TBX3: variants seen among roughly 807,000 people sequenced by gnomAD.
TBX3 encodes T-box transcription factor 3.
Under a neutral mutation model 47.8 loss-of-function variants are expected in TBX3, and 11 were observed. The ratio of observed to expected loss-of-function variants is 0.23; its 90% confidence interval spans 0.14 to 0.38. TBX3 has a LOEUF of 0.38. TBX3 is among the 10% of genes least tolerant of loss of function. TBX3 has a pLI of 1.00. For synonymous variants in TBX3, 500 were observed against 449.3 expected (o/e 1.11, Z -1.43); for missense variants, 927 against 1,022.8 (o/e 0.91, Z 1.28).
chr12:114,679,946 A>G, intron 2 of TBX3: 1 of 1,614,186 alleles, frequency 6.2e-7, no homozygotes, highest in Non-Finnish European at 8.5e-7. Flanking sequence ...CCTGCCACGT[A>G]GCGTGATCAC....
rs143885412 is a variant in TBX3 at position 114,682,918 on chromosome 12, G to C, written c.283C>G (p.Pro95Ala). The C allele has an allele frequency of 6.2e-7, 1 of 1,614,174 alleles. No individual in the cohort carries two copies. Among genetic ancestry groups the C allele is most frequent in the Admixed American group, 1.7e-5 (1 of 60,028 alleles). Reference sequence around the variant, plus strand: ...GGGTCGTCCTCCACCTCTTCTTCGGGCTCCATGGTCTTCAAAGGCCTCAGA... The same window carrying C: ...GGGTCGTCCTCCACCTCTTCTTCGGCCTCCATGGTCTTCAAAGGCCTCAGA... ...AHLRPLKTME[P>A]EEEVEDDPKV... The change falls in exon 1 of 7, where the codon CCC (proline) becomes GCC (alanine). Residue 95 changes from proline (P) to alanine (A), a missense_variant. This residue lies in a region of TBX3 where 216 missense variants were observed against 281.2 expected (regional missense o/e 0.77). Transcript: ENST00000349155.
In TBX3 at chr12:114,674,688, A is replaced by G. The variant is rs1169673386; in HGVS notation, c.1187T>C (p.Leu396Pro). 1 of 1,607,344 alleles carries G rather than the reference A, an allele frequency of 6.2e-7. No individual in the cohort carries two copies. Among genetic ancestry groups the G allele is most frequent in the Non-Finnish European group, 8.5e-7 (1 of 1,179,144 alleles). ...GTCCCGGGGCCGCTCAGCAGCGAAAAGGTGAGCCTTGACCGCGGGGCTGCC... is the reference window on the plus strand; with the variant it reads ...GTCCCGGGGCCGCTCAGCAGCGAAAGGGTGAGCCTTGACCGCGGGGCTGCC... ...DKGSPAVKAH[L>P]FAAERPRDSG... is the part of the protein sequence containing the mutation. Residue 396 changes from leucine (L) to proline (P), a missense_variant, in exon 6 of 7, where the codon CTT (leucine) becomes CCT (proline). Leu to Pro is a moderately conservative substitution (Grantham distance 98, BLOSUM62 -3). Coordinates refer to ENST00000349155, the MANE Select transcript of TBX3 (RefSeq NM_005996.4).
In TBX3 at chr12:114,671,355, T is replaced by C. The variant is rs1438898301; in HGVS notation, c.*486A>G. ...TCAGTAATTTATTGAGAACCGATAA[T>C]GCAAGTCCCTATAAAGTTTTTAATC... On this transcript the variant is annotated 3_prime_UTR_variant, in exon 7 of 7. Transcript: ENST00000349155. 4.0e-6 allele frequency: 1 copy of C among 248,668 alleles called. No individual in the cohort carries two copies. The highest frequency in any genetic ancestry group is 5.7e-5 in the East Asian group (1 of 17,604). The allele number at this position is 248,668 out of a possible 1,614,324, so 15.4% of individuals were successfully genotyped here.
chr12:114,680,646 A>C (rs936903308), intron 2 of TBX3: 16 of 632,266 alleles, frequency 2.5e-5, no homozygotes, highest in Non-Finnish European at 4.2e-5. Flanking sequence ...AAAGAGCTGG[A>C]ATTGCTATAG....
At chr12:114,678,410 G>C (rs948781656) in intron 3 of TBX3, among the ~76,000 whole-genome samples, 4 of 152,174 alleles carry the variant, frequency 2.6e-5, no homozygotes, top group Non-Finnish European at 4.4e-5. Flanking sequence ...CCTTCCCCTT[G>C]GTGGGAAGAA....
intron 2 of TBX3, chr12:114,680,082 T>G (rs1159140544): frequency 1.9e-6 from 2 of 1,067,478 alleles, no homozygotes; most frequent in Admixed American, 3.9e-5. Context: ...GGCTGAACTC[T>G]AGAGAGGAAT....
chr12:114,677,669 A>G lies in TBX3; in HGVS notation c.805-13T>C. The G allele has an allele frequency of 7.4e-6, 12 of 1,612,738 alleles. No homozygotes were observed. Among genetic ancestry groups the G allele is most frequent in the Non-Finnish European group, 1.0e-5 (12 of 1,178,702 alleles). ...TTAACTGGGTTATCTATTGGAAGAG[A>G]CACAAGCAAGACAGAGACATTGTTC... On this transcript the variant is annotated splice_polypyrimidine_tract_variant and intron_variant, in intron 3 of 6. Coordinates refer to ENST00000349155, the MANE Select transcript of TBX3 (RefSeq NM_005996.4).
chr12:114,682,465 A>C (rs1211810576), intron 1 of TBX3, among the ~76,000 whole-genome samples: 1 of 152,150 alleles, frequency 6.6e-6, no homozygotes, highest in Non-Finnish European at 1.5e-5. Flanking sequence ...TCAACAAAGA[A>C]ATAAGGATGT....
intron 1 of TBX3, 151 bp downstream of exon 1, chr12:114,682,661 G>C: frequency 2.5e-6 from 3 of 1,200,826 alleles, no homozygotes; most frequent in Non-Finnish European, 3.5e-6. Flanking sequence ...TGCCACCGGG[G>C]CAGGGCCTGG....
intron 3 of TBX3, among the ~76,000 whole-genome samples, chr12:114,678,519 A>G (rs1180000524): frequency 2.0e-5 from 3 of 152,228 alleles, no homozygotes; most frequent in African/African-American, 7.2e-5. Context: ...TTCAGGTTTC[A>G]CAGGGAGAGA....
chr12:114,674,667 CG>C lies in TBX3; in HGVS notation c.1207del (p.Arg403GlyfsTer209). 1.2e-6 allele frequency: 2 copies of C among 1,607,538 alleles called. No homozygotes were observed. The highest frequency in any genetic ancestry group is 8.5e-7 in the Non-Finnish European group (1 of 1,179,134). On this transcript the variant is annotated frameshift_variant, in exon 6 of 7. Transcript: ENST00000349155. LOFTEE classifies it high-confidence loss of function. ...KAHLFAAERP[R>X]DSGRLDKASP... The stretch of plus-strand genomic sequence containing the variant: ...CGCTTTGTCCAGCCGCCCGCTGTCC[CG>C]GGGCCGCTCAGCAGCGAAAAGGTGA...
At chr12:114,673,859 A>C (rs1868566976) in intron 6 of TBX3, among the ~76,000 whole-genome samples, 1 of 152,244 alleles carries the variant, frequency 6.6e-6, no homozygotes, top group Non-Finnish European at 1.5e-5. Flanking sequence ...AAATGAGTCA[A>C]TACAGAGCAA....
At position 114,671,889 on chromosome 12, in the gene TBX3, A is replaced by G. The variant is rs1337990788; in HGVS notation, c.2124T>C (p.Val708=). 6 of 1,574,554 alleles carry G rather than the reference A, an allele frequency of 3.8e-6. No individual in the cohort carries two copies. In the South Asian group the frequency reaches 5.8e-5, roughly 15 times the overall value. ...TGTCCGGCTTGGCTTCCAAGCCGCTAACCAACCGCTGGATGCTCTGCAGTT... is the reference window on the plus strand; with the variant it reads ...TGTCCGGCTTGGCTTCCAAGCCGCTGACCAACCGCTGGATGCTCTGCAGTT... ...TSELQSIQRL[V]SGLEAKPDRS... Residue 708 remains valine (V), a synonymous_variant, in exon 7 of 7, where the codon GTT becomes GTC. Transcript: ENST00000349155.
intron 3 of TBX3, 85 bp from the exon 4 acceptor site, chr12:114,677,741 C>CT (rs1398812157): frequency 1.6e-6 from 2 of 1,289,750 alleles, no homozygotes; most frequent in Non-Finnish European, 2.3e-6. Context: ...CTCAACAAGT[C>CT]TAGAGATGTG....
intron 3 of TBX3, among the ~76,000 whole-genome samples, chr12:114,679,005 T>C (rs967040130): frequency 2.6e-5 from 4 of 151,844 alleles, no homozygotes; most frequent in African/African-American, 9.7e-5. Flanking sequence ...CACACACACA[T>C]CATAACACAG....
In TBX3 at chr12:114,672,144, G is replaced by A. The variant is rs2121376849; in HGVS notation, c.1869C>T (p.Tyr623=). ...CGTCCGGGACCGGCACCGGGATGGA[G>A]TAGGGGCTGTAGCGCAGCCGCGGGC... is the stretch of plus-strand genomic sequence containing the variant. The part of the protein sequence containing the change: ...TMRPRLRYSP[Y]SIPVPVPDGS... Residue 623 remains tyrosine, a synonymous_variant, in exon 7 of 7, where the codon TAC becomes TAT. Coordinates refer to ENST00000349155, the MANE Select transcript of TBX3 (RefSeq NM_005996.4). The A allele has an allele frequency of 6.4e-7, 1 of 1,572,388 alleles. No homozygotes were observed. Among genetic ancestry groups the A allele is most frequent in the Non-Finnish European group, 8.6e-7 (1 of 1,159,430 alleles).
rs1241117139 is a variant in TBX3 at position 114,674,541 on chromosome 12, G to T, written c.1334C>A (p.Ala445Asp). The T allele has an allele frequency of 6.5e-7, 1 of 1,542,490 alleles. No individual in the cohort carries two copies. The change falls in exon 6 of 7, where the codon GCC becomes GAC. Residue 445 changes from alanine (A) to aspartate (D), a missense_variant. Physicochemically the swap from Ala to Asp is moderately radical, Grantham distance 126. Coordinates refer to ENST00000349155, the MANE Select transcript of TBX3 (RefSeq NM_005996.4). The stretch of plus-strand genomic sequence containing the variant: ...GAGCGCGCGCGCCTCTTCCACCTTG[G>T]CCGGCGCTGTGCCCTCGCGAACCGG... ...RSPVREGTAPAKVEEARALPG... is the reference protein window; with the variant it reads ...RSPVREGTAPDKVEEARALPG...
Position 114,681,002 on chromosome 12 carries a change from G to T in TBX3, c.534C>A (p.Pro178=). The T allele has an allele frequency of 6.2e-7, 1 of 1,613,662 alleles. No homozygotes were observed. Among genetic ancestry groups the T allele is most frequent in the Non-Finnish European group, 8.5e-7 (1 of 1,179,970 alleles). ...GAATGTACATCCTCTTTGGCATTTC[G>T]GGGTCGGCCTTACCAGCCACCATCC... The part of the protein sequence containing the change: ...SRWMVAGKAD[P]EMPKRMYIHP... Residue 178 remains proline, a synonymous_variant, in exon 2 of 7, where the codon CCC becomes CCA. Transcript: ENST00000349155.
At position 114,674,311 on chromosome 12, in the gene TBX3, G is replaced by A. The variant is rs780879062; in HGVS notation, c.1564C>T (p.Leu522Phe). ...SSMAAAGMGP[L>F]LATVSGASTG... Reference sequence around the variant, plus strand: ...GAGGCCCCAGAAACCGTGGCCAGGAGGGGACCCATGCCAGCGGCCGCCATG... The same window carrying A: ...GAGGCCCCAGAAACCGTGGCCAGGAAGGGACCCATGCCAGCGGCCGCCATG... The change falls in exon 6 of 7, where the codon CTC becomes TTC. Residue 522 changes from leucine (L) to phenylalanine (F), a missense_variant. Around this residue, in one of 5 missense-constraint regions of TBX3, gnomAD observed 623 missense variants for 569.0 expected, o/e 1.09. Transcript: ENST00000349155. The A allele has an allele frequency of 1.3e-6, 2 of 1,576,492 alleles. No individual in the cohort carries two copies. Among genetic ancestry groups the A allele is most frequent in the Middle Eastern group, 1.7e-4 (1 of 5,940 alleles).
Sources: gnomAD v4.1 joint callset for allele counts (sites outside exome capture counted in the v4.1 genomes callset) on GRCh38, gnomAD v4.1.1 for gene constraint, gnomAD v4.1.1 regional missense constraint, MANE v1.5 for transcripts, NCBI Gene and HGNC (gene_info 2026-07-23, HGNC 2026-07-21) for gene names.